DMD: variants seen among roughly 807,000 people sequenced by gnomAD.
DMD encodes mutant dystrophin.
A neutral mutation model predicts 330.1 loss-of-function variants in DMD; 63 were observed. The ratio of observed to expected loss-of-function variants is 0.19; its 90% CI spans 0.16 to 0.24. The LOEUF (loss-of-function observed/expected upper bound fraction) is 0.24. Ranked by LOEUF, DMD falls within the 10% of genes least tolerant of loss-of-function variation. The pLI is 1.00. For missense variants in DMD, 3,344 were observed against 2,684.1 expected (o/e 1.25, Z -5.43); for synonymous variants, 1,223 against 959.8 (o/e 1.27, Z -5.07).
intron 51 of DMD, among the ~76,000 whole-genome samples, chrX:31,748,943 T>A (rs1302992692): frequency 9.0e-6 from 1 of 111,315 alleles, no homozygotes; most frequent in African/African-American, 3.3e-5. Context: ...GCAGCTATAA[T>A]GTAGCCGAAG....
intron 43 of DMD, among the ~76,000 whole-genome samples, chrX:32,232,872 G>C (rs1221796887): frequency 9.0e-6 from 1 of 111,628 alleles, no homozygotes; most frequent in African/African-American, 3.3e-5. Flanking sequence ...GCCGTAGAAA[G>C]AGAAATAAGC....
chrX:32,522,077 G>GTGGTTTATAA (rs1236253048), intron 17 of DMD, among the ~76,000 whole-genome samples: 1 of 111,915 alleles, frequency 8.9e-6, no homozygotes, highest in Non-Finnish European at 1.9e-5. Context: ...ATAAATTTCT[G>GTGGTTTATAA]TGGTTTATAA....
chrX:32,490,211 T>G (rs1471557670), intron 20 of DMD, among the ~76,000 whole-genome samples: 1 of 111,950 alleles, frequency 8.9e-6, no homozygotes, highest in Non-Finnish European at 1.9e-5. Context: ...CCTTTTGTAT[T>G]AAATGTAATC....
intron 51 of DMD, among the ~76,000 whole-genome samples, chrX:31,742,755 C>T (rs768365946): frequency 9.0e-6 from 1 of 111,296 alleles, no homozygotes; most frequent in Non-Finnish European, 1.9e-5. Context: ...ATAAGAAAGC[C>T]TAGGAAACAC....
At chrX:32,262,980 C>T (rs2097329560) in intron 43 of DMD, among the ~76,000 whole-genome samples, 1 of 111,643 alleles carries the variant, frequency 9.0e-6, no homozygotes. Flanking sequence ...TTACTCCCTC[C>T]CAGGCATTTT....
chrX:32,078,489 A>C (rs916036475), intron 44 of DMD, among the ~76,000 whole-genome samples: 3 of 112,266 alleles, frequency 2.7e-5, no homozygotes, highest in Non-Finnish European at 3.8e-5. Flanking sequence ...ATTACAATAA[A>C]ATCTAAACAA....
intron 51 of DMD, among the ~76,000 whole-genome samples, chrX:31,733,572 C>CA (rs1020197957): frequency 3.6e-5 from 4 of 111,422 alleles, no homozygotes; most frequent in African/African-American, 1.3e-4. Flanking sequence ...TTTACAACTT[C>CA]AAAAAATTAA....
chrX:33,261,121 C>T (rs1489716919), intron 1 of DMD, among the ~76,000 whole-genome samples: 5 of 111,244 alleles, frequency 4.5e-5, no homozygotes, highest in Non-Finnish European at 9.4e-5. Flanking sequence ...TTTCCCTAAA[C>T]ATAATGATCC....
At chrX:31,476,685 G>C (rs927082581) in intron 59 of DMD, among the ~76,000 whole-genome samples, 4 of 110,349 alleles carry the variant, frequency 3.6e-5, no homozygotes, top group African/African-American at 1.3e-4. Context: ...GAAGAAGCTG[G>C]GTAATGCAGG....
In DMD at chrX:32,577,179, C is replaced by T. The variant is rs754691433; in HGVS notation, c.1603-3333G>A. Among the ~76,000 whole-genome samples the T allele has an allele frequency of 2.7e-5, 3 of 111,239 alleles. No homozygotes were observed. In the Admixed American group the frequency reaches 2.9e-4, roughly 11 times the overall value. On this transcript the variant is annotated intron_variant, in intron 13 of 78. Coordinates refer to ENST00000357033, the MANE Select transcript of DMD (RefSeq NM_004006.3). ...AGGAAATTTGGACACAGCAAAACAC[C>T]AGGGATATGTGCAACACAGAGGAGA... is the stretch of plus-strand genomic sequence containing the variant.
chrX:33,035,953 C>G (rs2094196771), intron 1 of DMD, among the ~76,000 whole-genome samples: 1 of 111,803 alleles, frequency 8.9e-6, no homozygotes, highest in Non-Finnish European at 1.9e-5. Context: ...TGTGTGTGAA[C>G]TTAATACTAA....
At chrX:31,778,333 T>C (rs2090797062) in intron 50 of DMD, among the ~76,000 whole-genome samples, 1 of 111,380 alleles carries the variant, frequency 9.0e-6, no homozygotes, top group Non-Finnish European at 1.9e-5. Flanking sequence ...TAGTTGAGAG[T>C]TGGATTCTAA....
chrX:31,984,448 T>C (rs1346231663), intron 44 of DMD, among the ~76,000 whole-genome samples: 2 of 112,579 alleles, frequency 1.8e-5, no homozygotes, highest in South Asian at 7.3e-4. Flanking sequence ...TGTTTTCTTT[T>C]GATACACGAA....
At chrX:33,297,338 G>T (rs767040900) in intron 1 of DMD, among the ~76,000 whole-genome samples, 1 of 109,656 alleles carries the variant, frequency 9.1e-6, no homozygotes, top group African/African-American at 3.3e-5. Context: ...TTAAAAATAC[G>T]TGTTGGTGAG....
intron 45 of DMD, among the ~76,000 whole-genome samples, chrX:31,958,259 C>T (rs1201813744): frequency 9.1e-6 from 1 of 109,607 alleles, no homozygotes; most frequent in East Asian, 2.9e-4. Flanking sequence ...CTTTGTGTTT[C>T]CTTTTCATGT....
intron 62 of DMD, among the ~76,000 whole-genome samples, chrX:31,310,548 T>C (rs990841346): frequency 9.1e-6 from 1 of 110,002 alleles, no homozygotes; most frequent in Non-Finnish European, 1.9e-5. Context: ...CTTTCTTCTT[T>C]TTTTTTTATT....
chrX:31,507,939 C>G (rs1268111732), intron 55 of DMD, among the ~76,000 whole-genome samples: 1 of 111,683 alleles, frequency 9.0e-6, no homozygotes, highest in African/African-American at 3.3e-5. Flanking sequence ...TGCACTTGGC[C>G]CACAGCACCA....
intron 62 of DMD, among the ~76,000 whole-genome samples, chrX:31,282,895 C>T (rs1323583949): frequency 1.8e-5 from 2 of 111,834 alleles, no homozygotes; most frequent in African/African-American, 6.5e-5. Context: ...CCACATTTAA[C>T]ACTGACATTC....
chrX:32,346,174 C>A, intron 38 of DMD, 94 bp from the exon 39 acceptor site: 1 of 974,158 alleles, frequency 1.0e-6, no homozygotes, highest in East Asian at 3.2e-5. Flanking sequence ...TAAACACACA[C>A]AAAAATCCAA....
Sources: allele counts gnomAD v4.1 joint callset (sites outside exome capture counted in the v4.1 genomes callset), GRCh38; gene constraint gnomAD v4.1.1; transcripts MANE v1.5; gene names NCBI Gene and HGNC (gene_info 2026-07-23, HGNC 2026-07-21).